HEBP1: variants seen among roughly 807,000 people sequenced by gnomAD.
The protein encoded by HEBP1 is heme binding protein 1.
A neutral mutation model predicts 20.4 loss-of-function variants in HEBP1; 13 were observed. The ratio of observed to expected loss-of-function variants is 0.64; its 90% CI spans 0.42 to 1.01. HEBP1 has a LOEUF of 1.01. HEBP1 is among the 50% of genes least tolerant of loss of function. The pLI, the probability that HEBP1 is intolerant of heterozygous loss-of-function variation, is 0.00. For synonymous variants in HEBP1, 92 were observed against 90.7 expected (o/e 1.01, Z -0.08); for missense variants, 241 against 247.3 (o/e 0.97, Z 0.17).
intron 1 of HEBP1, among the ~76,000 whole-genome samples, chr12:12,999,822 C>A (rs868286178): frequency 2.6e-5 from 4 of 152,196 alleles, no homozygotes; most frequent in Non-Finnish European, 5.9e-5. Flanking sequence ...TGTTTACCCC[C>A]CTCCTCTCAC....
At chr12:12,982,668 C>A (rs1298143413) in intron 3 of HEBP1, among the ~76,000 whole-genome samples, 1 of 152,082 alleles carries the variant, frequency 6.6e-6, no homozygotes, top group African/African-American at 2.4e-5. Flanking sequence ...TGCAATCATG[C>A]CTTAGAAATC....
At chr12:12,990,127 C>T (rs1196377978) in intron 1 of HEBP1, among the ~76,000 whole-genome samples, 1 of 18,566 alleles carries the variant, frequency 5.4e-5, no homozygotes, top group Admixed American at 1.3e-3. Context: ...CACACACACA[C>T]ACACACACAC....
intron 3 of HEBP1, among the ~76,000 whole-genome samples, chr12:12,978,204 T>TTG (rs1353222466): frequency 5.4e-5 from 7 of 128,574 alleles, no homozygotes; most frequent in African/African-American, 1.9e-4. Flanking sequence ...AAAGGGTTTT[T>TTG]TTTTTTTTTT....
chr12:12,988,244 A>G (rs1864177034), intron 2 of HEBP1, among the ~76,000 whole-genome samples: 1 of 152,180 alleles, frequency 6.6e-6, no homozygotes, highest in Non-Finnish European at 1.5e-5. Flanking sequence ...TGAATGGGGG[A>G]ATTAGGGAAT....
intron 3 of HEBP1, among the ~76,000 whole-genome samples, chr12:12,978,499 G>A (rs760336431): frequency 2.0e-5 from 3 of 151,980 alleles, no homozygotes; most frequent in African/African-American, 7.3e-5. Context: ...CACCACGCCC[G>A]GCCTGGAAAG....
intron 1 of HEBP1, among the ~76,000 whole-genome samples, chr12:12,999,643 G>A (rs1864330206): frequency 6.6e-6 from 1 of 152,332 alleles, no homozygotes; most frequent in African/African-American, 2.4e-5. Context: ...GCTACTATCC[G>A]CAGTTCTCTA....
chr12:12,976,603 C>T (rs1863991806), intron 3 of HEBP1, among the ~76,000 whole-genome samples: 1 of 152,178 alleles, frequency 6.6e-6, no homozygotes, highest in Non-Finnish European at 1.5e-5. Context: ...GTTAGTCATG[C>T]TGGACAAGCA....
rs1864285361 is a variant in HEBP1, at chr12:12,996,084, C to G, written c.78+3953G>C. Among the ~76,000 whole-genome samples the G allele has an allele frequency of 6.6e-6, 1 of 152,218 alleles. No homozygotes were observed. The highest frequency in any genetic ancestry group is 2.4e-5 in the African/African-American group (1 of 41,448). ...GAAAATACTGATCATAACAATTAAC[C>G]TAACAGAGTACTTTCTATTTGTCTG... On this transcript the variant is annotated intron_variant, in intron 1 of 3. Transcript: ENST00000014930. The surrounding 1 kb of genome is among the most constrained non-coding windows in gnomAD (Gnocchi z 4.1).
intron 1 of HEBP1, among the ~76,000 whole-genome samples, chr12:12,990,164 G>A (rs1291354): frequency 0.75 from 112,407 of 150,866 alleles, 45,452 homozygotes; most frequent in East Asian, 0.98. Flanking sequence ...ACACACACAT[G>A]TATTTTATTT....
rs1393820580 is a variant in HEBP1, at chr12:12,974,921, T to G, written c.*387A>C. The G allele has an allele frequency of 5.2e-6, 1 of 193,470 alleles. No homozygotes were observed. Among genetic ancestry groups the G allele is most frequent in the African/African-American group, 2.4e-5 (1 of 41,766 alleles). 12.0% of individuals were successfully genotyped at this position (193,470 alleles called of 1,614,324 possible). A position where few individuals can be genotyped will look rare whatever the true frequency, so the allele number is the denominator to read the frequency against. On this transcript the variant is annotated 3_prime_UTR_variant, in exon 4 of 4. Transcript: ENST00000014930. ...TTTTTAGTTTTTCTGAAGACAAAGC[T>G]CTTATAAGAATCACAGATGAAAGAT... is the stretch of plus-strand genomic sequence containing the variant.
intron 3 of HEBP1, chr12:12,978,868 G>A (rs1864036485): frequency 6.6e-6 from 1 of 152,152 alleles, no homozygotes; most frequent in Admixed American, 6.6e-5. Flanking sequence ...GAATATTAAG[G>A]GCCCTCTGTG....
At chr12:12,989,141 T>A (rs1864186693) in intron 2 of HEBP1, 136 bp downstream of exon 2, 1 of 900,424 alleles carries the variant, frequency 1.1e-6, no homozygotes, top group Non-Finnish European at 1.8e-6. Context: ...GTTCACACAG[T>A]GCAGGAGGTT....
intron 3 of HEBP1, chr12:12,983,752 G>C (rs776347341): frequency 2.2e-6 from 1 of 455,920 alleles, no homozygotes; most frequent in Non-Finnish European, 4.4e-6. Context: ...AGATTTCAGA[G>C]AATTAAAAGG....
chr12:12,983,138 G>A (rs1158205264), intron 3 of HEBP1, among the ~76,000 whole-genome samples: 2 of 152,144 alleles, frequency 1.3e-5, no homozygotes, highest in East Asian at 3.9e-4. Context: ...AACCGTGAAA[G>A]TTTCATTAAG....
rs1325736614 is a variant in HEBP1 at position 12,998,739 on chromosome 12, A to C, written c.78+1298T>G. 6.6e-6 allele frequency among the ~76,000 whole-genome samples: 1 copy of C among 152,238 alleles called. No homozygotes were observed. The highest frequency in any genetic ancestry group is 2.4e-5 in the African/African-American group (1 of 41,464). ...CCCAGGCAATACAGTCCTTTCACAA[A>C]TGAGGCATCGTATTGGGAGCTCTGT... On this transcript the variant is annotated intron_variant, in intron 1 of 3. Transcript: ENST00000014930. This position sits in a 1 kb window ranked among gnomAD's most constrained non-coding sequence, Gnocchi z 4.2.
intron 3 of HEBP1, among the ~76,000 whole-genome samples, chr12:12,982,612 C>G (rs1864101814): frequency 6.6e-6 from 1 of 152,218 alleles, no homozygotes; most frequent in Admixed American, 6.5e-5. Context: ...AACCTAGGTG[C>G]TGACAGCTGA....
chr12:12,979,262 C>T (rs1864042495), intron 3 of HEBP1, among the ~76,000 whole-genome samples: 1 of 152,212 alleles, frequency 6.6e-6, no homozygotes, highest in African/African-American at 2.4e-5. Context: ...CAATTCTTTA[C>T]ATTTATTCCC....
chr12:12,992,266 T>C (rs532951813), intron 1 of HEBP1, among the ~76,000 whole-genome samples: 1 of 152,246 alleles, frequency 6.6e-6, no homozygotes, highest in African/African-American at 2.4e-5. Context: ...TGCAGTGGTG[T>C]GATCTCTGCT....
At chr12:12,987,391 G>A in intron 2 of HEBP1, 59 bp from the exon 3 acceptor site, 2 of 1,370,546 alleles carry the variant, frequency 1.5e-6, no homozygotes, top group South Asian at 1.3e-5. Context: ...GCTCAGGGCT[G>A]TGGAAGACAC....
Sources: allele counts gnomAD v4.1 joint callset (sites outside exome capture counted in the v4.1 genomes callset), GRCh38; gene constraint gnomAD v4.1.1; non-coding constraint Gnocchi (gnomAD v3.1); transcripts MANE v1.5; gene names NCBI Gene and HGNC (gene_info 2026-07-23, HGNC 2026-07-21).